TMCO6: variants seen among roughly 807,000 people sequenced by gnomAD.
TMCO6 encodes transmembrane and coiled-coil domains 6.
TMCO6 carries 47 observed loss-of-function variants against 61.8 expected under a neutral mutation model. The ratio of observed to expected loss-of-function variants is 0.76; its 90% CI spans 0.60 to 0.97. The LOEUF is 0.97. Among genes scored for constraint, TMCO6 ranks in the 50% least tolerant of loss-of-function variants. TMCO6 has a pLI of 0.00. For missense variants in TMCO6, 557 were observed against 601.6 expected, an observed-to-expected ratio of 0.93 and a Z score of 0.78; for synonymous variants, 261 against 254.2, an observed-to-expected ratio of 1.03 and a Z score of -0.25.
At chr5:140,636,480 T>A (rs61293070), upstream of TMCO6, among the ~76,000 whole-genome samples, 45,795 of 108,068 alleles carry the variant, frequency 0.42, 8,461 homozygotes, top group African/African-American at 0.57. Context: ...AAAAAAAAAA[T>A]AAATAAATAA....
At chr5:140,647,178 C>A (rs1022812709), downstream of TMCO6, 1 of 1,440,276 alleles carries the variant, frequency 6.9e-7, no homozygotes, top group East Asian at 2.3e-5. Context: ...GGTTTCTGCA[C>A]GACCTTGGGC....
chr5:140,626,230 C>T, the TMCO6 span, among the ~76,000 whole-genome samples: 1 of 107,098 alleles, frequency 9.3e-6, no homozygotes, highest in Non-Finnish European at 2.0e-5. Flanking sequence ...TATGCCCAGT[C>T]TTCTTTTTTT....
downstream of TMCO6, chr5:140,647,151 G>A: frequency 8.0e-7 from 1 of 1,244,936 alleles, no homozygotes; most frequent in Non-Finnish European, 1.1e-6. Flanking sequence ...TAAAGTCCGA[G>A]TTCTAGTTTC....
upstream of TMCO6, among the ~76,000 whole-genome samples, chr5:140,637,801 C>G (rs1040059040): frequency 6.6e-6 from 1 of 152,172 alleles, no homozygotes; most frequent in Non-Finnish European, 1.5e-5. Flanking sequence ...AGAAACTCAA[C>G]CAATTGTCAA....
chr5:140,613,187 G>A, the TMCO6 span, among the ~76,000 whole-genome samples: 3 of 151,950 alleles, frequency 2.0e-5, no homozygotes, highest in African/African-American at 7.3e-5. Flanking sequence ...TCAAGAGCTC[G>A]AGAGCATCCT....
Position 140,645,259 on chromosome 5 carries a change from C to A in TMCO6, c.*161C>A. The A allele has an allele frequency of 1.3e-6, 1 of 769,254 alleles. No individual in the cohort carries two copies. The highest frequency in any genetic ancestry group is 2.1e-6 in the Non-Finnish European group (1 of 466,542). The allele number at this position is 769,254 out of a possible 1,614,324, so 47.7% of individuals were successfully genotyped here. A position where few individuals can be genotyped will look rare whatever the true frequency, so the allele number is the denominator to read the frequency against. The stretch of plus-strand genomic sequence containing the variant: ...CCAGCTCCTCCCCTTCCACTCAGCA[C>A]TATCCAGGCAGGAGGACCAAAAGGG... On this transcript the variant is annotated 3_prime_UTR_variant, in exon 12 of 12. Transcript: ENST00000394671.
At chr5:140,601,235 T>C in the TMCO6 span, among the ~76,000 whole-genome samples, 1 of 152,298 alleles carries the variant, frequency 6.6e-6, no homozygotes, top group Admixed American at 6.5e-5. Context: ...GAAATGTCCC[T>C]TTTCCACCCT....
the TMCO6 span, among the ~76,000 whole-genome samples, chr5:140,619,329 C>A: frequency 6.6e-6 from 1 of 152,136 alleles, no homozygotes; most frequent in Non-Finnish European, 1.5e-5. Context: ...TCAAGGTAAT[C>A]ACTTCTCTTC....
intron 2 of TMCO6, chr5:140,640,987 A>C (rs933698159): frequency 6.5e-6 from 1 of 154,340 alleles, no homozygotes; most frequent in Non-Finnish European, 1.5e-5. Flanking sequence ...CCTAGGTCAT[A>C]CTATTCCATT....
chr5:140,596,750 G>T, the TMCO6 span, among the ~76,000 whole-genome samples: 19 of 152,154 alleles, frequency 1.2e-4, no homozygotes, highest in African/African-American at 4.6e-4. Context: ...AGCCCAGGGT[G>T]GGCTGCTATC....
At position 140,645,299 on chromosome 5, in the gene TMCO6, A is replaced by T. The variant is rs1293580359; in HGVS notation, c.*201A>T. The T allele has an allele frequency of 1.4e-6, 1 of 716,848 alleles. No individual in the cohort carries two copies. The highest frequency in any genetic ancestry group is 2.4e-6 in the Non-Finnish European group (1 of 413,762). The allele number at this position is 716,848 out of a possible 1,614,324, so 44.4% of individuals were successfully genotyped here. A position where few individuals can be genotyped will look rare whatever the true frequency, so the allele number is the denominator to read the frequency against. ...GACCAAAAGGGACTCAGTGTGGTCT[A>T]CTTACTCTGGGGCCCTAGAATCCCT... On this transcript the variant is annotated 3_prime_UTR_variant, in exon 12 of 12. Coordinates refer to ENST00000394671, the MANE Select transcript of TMCO6 (RefSeq NM_018502.5).
At chr5:140,635,728 G>T (rs182870391), upstream of TMCO6, among the ~76,000 whole-genome samples, 2 of 152,324 alleles carry the variant, frequency 1.3e-5, no homozygotes, top group Non-Finnish European at 2.9e-5. Flanking sequence ...AGTGCAGAGG[G>T]CTCTTAAAAG....
At chr5:140,645,599 A>G (rs746260830), downstream of TMCO6, 2 of 1,614,104 alleles carry the variant, frequency 1.2e-6, no homozygotes, top group Admixed American at 1.7e-5. Flanking sequence ...AGGCTTTACC[A>G]CTTAGAACGT....
downstream of TMCO6, chr5:140,647,438 C>T (rs1757470157): frequency 8.1e-6 from 13 of 1,607,876 alleles, no homozygotes; most frequent in African/African-American, 1.3e-5. Context: ...GAGGTCGTGA[C>T]CCTGGCGTCC....
the TMCO6 span, among the ~76,000 whole-genome samples, chr5:140,605,010 T>C: frequency 6.6e-6 from 1 of 152,228 alleles, no homozygotes; most frequent in African/African-American, 2.4e-5. Context: ...TCTTCTTTAA[T>C]TTATTTCAGC....
chr5:140,612,202 C>T, the TMCO6 span, among the ~76,000 whole-genome samples: 7 of 152,188 alleles, frequency 4.6e-5, no homozygotes, highest in African/African-American at 1.4e-4. Context: ...TCACACCAAC[C>T]ATCCGACCAC....
At chr5:140,645,642 A>C, downstream of TMCO6, 1 of 1,614,202 alleles carries the variant, frequency 6.2e-7, no homozygotes, top group Non-Finnish European at 8.5e-7. Flanking sequence ...ATCAGCACTG[A>C]AGTTGTTCAA....
At chr5:140,608,711 G>C in the TMCO6 span, among the ~76,000 whole-genome samples, 1 of 152,166 alleles carries the variant, frequency 6.6e-6, no homozygotes, top group Admixed American at 6.5e-5. Flanking sequence ...TCATACATCT[G>C]CATATGGATA....
upstream of TMCO6, among the ~76,000 whole-genome samples, chr5:140,638,422 C>T (rs755429463): frequency 2.0e-5 from 3 of 151,900 alleles, no homozygotes; most frequent in Admixed American, 6.6e-5. Context: ...TGGCGTGCCT[C>T]GGCATCTAAC....
Sources: gnomAD v4.1 joint callset for allele counts (sites outside exome capture counted in the v4.1 genomes callset) on GRCh38, gnomAD v4.1.1 for gene constraint, MANE v1.5 for transcripts, NCBI Gene and HGNC (gene_info 2026-07-23, HGNC 2026-07-21) for gene names.